The following ARHGAP28 variants were observed in gnomAD, a reference collection of about 807,000 sequenced individuals.
ARHGAP28 encodes the protein Rho GTPase activating protein 28.
A neutral mutation model predicts 90.7 loss-of-function variants in ARHGAP28; 56 were observed. The observed-to-expected ratio is 0.62, with a 90% confidence interval of 0.50 to 0.77. The LOEUF (loss-of-function observed/expected upper bound fraction) is 0.77. ARHGAP28 is among the 30% of genes least tolerant of loss of function. ARHGAP28 has a pLI of 0.00. For synonymous variants in ARHGAP28, 308 were observed against 323.3 expected (o/e 0.95, Z 0.51); for missense variants, 869 against 900.9 (o/e 0.96, Z 0.45).
rs939251665 is a variant in ARHGAP28 at position 6,830,429 on chromosome 18, C to T, written c.325+5465C>T. Among the ~76,000 whole-genome samples, 12 of 152,088 alleles carry T rather than the reference C, an allele frequency of 7.9e-5. No homozygotes were observed. The South Asian group carries it at 1.5e-3, about 18-fold the overall frequency. On this transcript the variant is annotated intron_variant, in intron 2 of 17. Coordinates refer to ENST00000383472, the MANE Select transcript of ARHGAP28 (RefSeq NM_001366230.1). ...TGCCATGGTGTTTTGCTGCACCCAT[C>T]GACCCTTCACCTACATTTCTCCTAA...
intron 9 of ARHGAP28, chr18:6,874,973 A>C (rs1197692000): frequency 6.6e-6 from 1 of 152,246 alleles, no homozygotes; most frequent in East Asian, 1.9e-4. Context: ...GGAGTGGGAA[A>C]AGGAGCAGTA....
chr18:6,782,110 GTTTT>G lies in ARHGAP28; in HGVS notation c.123-42645_123-42642del, dbSNP rs889773924. The stretch of plus-strand genomic sequence containing the variant: ...TCTCACTTCCTGGAGATTCCAACTG[GTTTT>G]TTTTTTAGCTGCCTCCCCAGCCTTG... On this transcript the variant is annotated intron_variant, in intron 1 of 17. Transcript: ENST00000383472. Among the ~76,000 whole-genome samples, 4 of 148,120 alleles carry G rather than the reference GTTTT, an allele frequency of 2.7e-5. No individual in the cohort carries two copies. The East Asian group carries it at 6.0e-4, about 22-fold the overall frequency.
intron 1 of ARHGAP28, among the ~76,000 whole-genome samples, chr18:6,805,578 C>T (rs1260117398): frequency 5.3e-5 from 8 of 150,666 alleles, no homozygotes; most frequent in South Asian, 2.1e-4. Context: ...CTCTGCCTCC[C>T]GGGTTCAAAC....
intron 16 of ARHGAP28, among the ~76,000 whole-genome samples, chr18:6,907,565 G>C (rs960970757): frequency 2.0e-5 from 3 of 152,190 alleles, no homozygotes; most frequent in African/African-American, 7.2e-5. Context: ...TTCATACTGT[G>C]TGTTTCCATT....
At chr18:6,787,036 A>G (rs1303002584) in intron 1 of ARHGAP28, among the ~76,000 whole-genome samples, 3 of 152,016 alleles carry the variant, frequency 2.0e-5, no homozygotes, top group African/African-American at 4.8e-5. Flanking sequence ...CCTGGCCAAC[A>G]TGGTGAAACC....
chr18:6,827,627 C>T (rs1375533519), intron 2 of ARHGAP28, among the ~76,000 whole-genome samples: 20 of 98,274 alleles, frequency 2.0e-4, no homozygotes, highest in South Asian at 7.6e-4. Context: ...GGCGGCTGGC[C>T]GGCAGGGGGG....
intron 4 of ARHGAP28, among the ~76,000 whole-genome samples, chr18:6,856,877 C>G (rs1241949888): frequency 6.6e-6 from 1 of 152,122 alleles, no homozygotes; most frequent in Non-Finnish European, 1.5e-5. Flanking sequence ...TCTTTTATGT[C>G]TGGCTTCTTT....
At chr18:6,825,907 C>A in intron 2 of ARHGAP28, among the ~76,000 whole-genome samples, 1 of 152,108 alleles carries the variant, frequency 6.6e-6, no homozygotes, top group Non-Finnish European at 1.5e-5. Flanking sequence ...AATAGCTTGG[C>A]GATGAACATA....
At chr18:6,905,262 A>T (rs956329148) in intron 16 of ARHGAP28, among the ~76,000 whole-genome samples, 2 of 152,182 alleles carry the variant, frequency 1.3e-5, no homozygotes, top group African/African-American at 4.8e-5. Context: ...GGTTGATTTA[A>T]CATTAAAAAA....
At chr18:6,909,248 G>GTCTCTTCTTTTCTTT (rs2057381024) in intron 17 of ARHGAP28, among the ~76,000 whole-genome samples, 1 of 121,262 alleles carries the variant, frequency 8.2e-6, no homozygotes, top group African/African-American at 3.1e-5. Flanking sequence ...GTAGGCTTGG[G>GTCTCTTCTTTTCTTT]TCTTTTCTTT....
At chr18:6,810,774 T>G (rs1049681979) in intron 1 of ARHGAP28, among the ~76,000 whole-genome samples, 2 of 151,680 alleles carry the variant, frequency 1.3e-5, no homozygotes, top group Admixed American at 6.6e-5. Context: ...GAGGTGCCAG[T>G]AGATAAAGAA....
intron 1 of ARHGAP28, among the ~76,000 whole-genome samples, chr18:6,770,333 C>T (rs556387710): frequency 6.6e-6 from 1 of 152,272 alleles, no homozygotes; most frequent in Admixed American, 6.5e-5. Context: ...CATTTGTGAA[C>T]CAAATACTCA....
At chr18:6,892,240 C>A (rs2057271856) in intron 14 of ARHGAP28, among the ~76,000 whole-genome samples, 1 of 152,136 alleles carries the variant, frequency 6.6e-6, no homozygotes, top group African/African-American at 2.4e-5. Flanking sequence ...GCTTCACTTG[C>A]CAGGTTCAAG....
chr18:6,904,214 C>T (rs544685739), intron 16 of ARHGAP28, among the ~76,000 whole-genome samples: 18 of 152,072 alleles, frequency 1.2e-4, no homozygotes, highest in Non-Finnish European at 2.2e-4. Context: ...GCCAACATGG[C>T]GAACCCTCAT....
At chr18:6,891,881 C>T (rs973044609) in intron 14 of ARHGAP28, among the ~76,000 whole-genome samples, 2 of 152,150 alleles carry the variant, frequency 1.3e-5, no homozygotes, top group African/African-American at 4.8e-5. Context: ...ATGTGAGCCA[C>T]TGTGCCTGGT....
chr18:6,906,950 T>C (rs1464846704), intron 16 of ARHGAP28, among the ~76,000 whole-genome samples: 1 of 151,774 alleles, frequency 6.6e-6, no homozygotes, highest in African/African-American at 2.4e-5. Context: ...AACCAAACAA[T>C]CCAATTTGAA....
At chr18:6,871,780 C>T (rs1454497497) in intron 7 of ARHGAP28, among the ~76,000 whole-genome samples, 1 of 152,076 alleles carries the variant, frequency 6.6e-6, no homozygotes, top group African/African-American at 2.4e-5. Flanking sequence ...GGACCGTTCC[C>T]AAACAACCAT....
chr18:6,783,303 C>CT lies in ARHGAP28; in HGVS notation c.123-41444dup, dbSNP rs1272954141. ...ACTCTTTGTGTTTTAAGGGTATTTA[C>CT]TTTTTTTTTTTTTTTGAGATGGAGT... is the stretch of plus-strand genomic sequence containing the variant. On this transcript the variant is annotated intron_variant, in intron 1 of 17. Transcript: ENST00000383472. Among the ~76,000 whole-genome samples, 1,285 of 140,834 alleles carry CT rather than the reference C, an allele frequency of 9.1e-3. 16 individuals carry two copies. Among genetic ancestry groups the CT allele is most frequent in the African/African-American group, 0.025 (982 of 38,598 alleles). The allele number at this position is 140,834 out of a possible 152,430, so 92.4% of individuals were successfully genotyped here.
intron 1 of ARHGAP28, among the ~76,000 whole-genome samples, chr18:6,810,898 T>C (rs1022357547): frequency 6.6e-6 from 1 of 152,028 alleles, no homozygotes; most frequent in Non-Finnish European, 1.5e-5. Flanking sequence ...GTCTAACAAA[T>C]AAGTGGCACT....
Sources: gnomAD v4.1 joint callset for allele counts (sites outside exome capture counted in the v4.1 genomes callset) on GRCh38, gnomAD v4.1.1 for gene constraint, MANE v1.5 for transcripts, NCBI Gene and HGNC (gene_info 2026-07-23, HGNC 2026-07-21) for gene names.